Variants in SHISA9 observed in about 807,000 individuals in gnomAD.
The protein encoded by SHISA9 is shisa family member 9, also known as protein shisa-9.
SHISA9 carries 13 observed loss-of-function variants against 38.0 expected under a neutral mutation model. The ratio of observed to expected loss-of-function variants is 0.34; its 90% CI spans 0.22 to 0.54. SHISA9 has a LOEUF of 0.54. Among genes scored for constraint, SHISA9 ranks in the 20% least tolerant of loss-of-function variants. The pLI, the probability that SHISA9 is intolerant of heterozygous loss-of-function variation, is 0.91. For synonymous variants in SHISA9, 275 were observed against 242.0 expected (o/e 1.14, Z -1.27); for missense variants, 538 against 575.8 (o/e 0.93, Z 0.67).
At chr16:13,003,883 T>TAAG (rs201617457) in intron 2 of SHISA9, among the ~76,000 whole-genome samples, 5,897 of 147,048 alleles carry the variant, frequency 0.04, 156 homozygotes, top group Admixed American at 0.077. Flanking sequence ...ATAATAATAA[T>TAAG]AATAATAAGA....
chr16:13,444,211 A>G, the SHISA9 span, among the ~76,000 whole-genome samples: 1 of 152,134 alleles, frequency 6.6e-6, no homozygotes, highest in Non-Finnish European at 1.5e-5. Context: ...TCTTTACAAA[A>G]AATATGAAAA....
At chr16:13,447,021 A>T in the SHISA9 span, among the ~76,000 whole-genome samples, 132 of 151,034 alleles carry the variant, frequency 8.7e-4, no homozygotes, top group African/African-American at 3.0e-3. Flanking sequence ...GGGTAAAACT[A>T]TGTGTGGGGC....
the SHISA9 span, among the ~76,000 whole-genome samples, chr16:13,498,741 A>T: frequency 1.3e-5 from 2 of 152,178 alleles, no homozygotes; most frequent in Admixed American, 6.5e-5. Context: ...TGGGTGACAG[A>T]GTGAGACTCC....
rs1177855522 is a variant in SHISA9, at chr16:12,978,312, C to A, written c.691+61497C>A. On this transcript the variant is annotated intron_variant, in intron 2 of 4. Transcript: ENST00000558583. ...CTAGTCTCCCCTGGGAAAGAATTTT[C>A]ATAAGTGCAGCCCTGTTTCATCAAA... Among the ~76,000 whole-genome samples the A allele has an allele frequency of 2.0e-5, 3 of 152,160 alleles. No individual in the cohort carries two copies. In the East Asian group the frequency reaches 5.8e-4, roughly 29 times the overall value.
chr16:13,432,102 T>G, the SHISA9 span, among the ~76,000 whole-genome samples: 1 of 152,134 alleles, frequency 6.6e-6, no homozygotes, highest in Admixed American at 6.6e-5. Context: ...GAAAATAACC[T>G]CTCTTCATGT....
the SHISA9 span, among the ~76,000 whole-genome samples, chr16:13,289,893 A>G: frequency 6.6e-6 from 1 of 152,202 alleles, no homozygotes; most frequent in Non-Finnish European, 1.5e-5. Context: ...TTCTAATAAT[A>G]TTTGAATAAT....
chr16:13,357,884 G>T, the SHISA9 span, among the ~76,000 whole-genome samples: 10 of 152,262 alleles, frequency 6.6e-5, no homozygotes, highest in South Asian at 1.2e-3. Flanking sequence ...AATGTCATCA[G>T]TTAAGGCAAT....
intron 2 of SHISA9, among the ~76,000 whole-genome samples, chr16:13,121,372 G>A (rs1299936776): frequency 6.6e-6 from 1 of 151,916 alleles, no homozygotes; most frequent in Non-Finnish European, 1.5e-5. Context: ...TGTACCTGTG[G>A]TCCCAGCTAC....
chr16:13,121,343 G>A (rs2050209009), intron 2 of SHISA9, among the ~76,000 whole-genome samples: 1 of 152,016 alleles, frequency 6.6e-6, no homozygotes, highest in East Asian at 1.9e-4. Flanking sequence ...TTTAAAATTA[G>A]CCAGGTGTGG....
rs559044318 is a variant in SHISA9, at chr16:12,973,901, A to G, written c.691+57086A>G. On this transcript the variant is annotated intron_variant, in intron 2 of 4. Coordinates refer to ENST00000558583, the MANE Select transcript of SHISA9 (RefSeq NM_001145204.3). The stretch of plus-strand genomic sequence containing the variant: ...TGGATATTATCTGGAGGGGATTAGT[A>G]ACGTATTCTTCAAGCACCCTTCTGG... Among the ~76,000 whole-genome samples the G allele has an allele frequency of 3.1e-3, 465 of 152,284 alleles. 3 individuals are homozygous for G. Among genetic ancestry groups the G allele is most frequent in the African/African-American group, 0.01 (435 of 41,558 alleles).
chr16:13,273,974 T>C, the SHISA9 span, among the ~76,000 whole-genome samples: 2 of 152,160 alleles, frequency 1.3e-5, no homozygotes, highest in East Asian at 3.8e-4. Flanking sequence ...GAATCTGGGC[T>C]CTTCCAAAGT....
chr16:13,056,364 T>C (rs1387943731), intron 2 of SHISA9, among the ~76,000 whole-genome samples: 1 of 152,102 alleles, frequency 6.6e-6, no homozygotes, highest in African/African-American at 2.4e-5. Flanking sequence ...AATTATGCAA[T>C]AGAGGCCTGA....
chr16:13,408,252 G>T, the SHISA9 span, among the ~76,000 whole-genome samples: 153 of 151,924 alleles, frequency 1.0e-3, no homozygotes, highest in African/African-American at 3.5e-3. Context: ...TTAAGTAAAA[G>T]AACACAAAAT....
the SHISA9 span, among the ~76,000 whole-genome samples, chr16:13,477,129 G>A: frequency 6.6e-6 from 1 of 152,150 alleles, no homozygotes; most frequent in Non-Finnish European, 1.5e-5. Context: ...TACCTACAAG[G>A]TGTCAGGAAC....
At chr16:13,539,533 T>G in the SHISA9 span, among the ~76,000 whole-genome samples, 6 of 151,646 alleles carry the variant, frequency 4.0e-5, no homozygotes, top group Non-Finnish European at 1.5e-5. Context: ...CAGCAGAAAT[T>G]TAAGGGCTTT....
At chr16:12,970,367 A>ACATATATG (rs2072045434) in intron 2 of SHISA9, among the ~76,000 whole-genome samples, 2 of 94,302 alleles carry the variant, frequency 2.1e-5, no homozygotes, top group Non-Finnish European at 3.9e-5. Flanking sequence ...ATATATATAT[A>ACATATATG]TACATATATA....
chr16:13,375,502 G>A, the SHISA9 span, among the ~76,000 whole-genome samples: 6 of 152,086 alleles, frequency 3.9e-5, no homozygotes, highest in African/African-American at 1.2e-4. Flanking sequence ...TATTATTTCT[G>A]AGAGCTCTGT....
intron 2 of SHISA9, among the ~76,000 whole-genome samples, chr16:13,106,940 C>T (rs1456535089): frequency 1.3e-5 from 2 of 150,074 alleles, no homozygotes; most frequent in South Asian, 2.1e-4. Context: ...TTTCTAGTCA[C>T]ATCAATAAAC....
intron 4 of SHISA9, among the ~76,000 whole-genome samples, chr16:13,223,352 C>A (rs994287222): frequency 3.3e-5 from 5 of 152,128 alleles, no homozygotes; most frequent in East Asian, 3.8e-4. Flanking sequence ...ATCACTTGAA[C>A]CCAGGAGGGT....
Sources: allele counts gnomAD v4.1 joint callset (sites outside exome capture counted in the v4.1 genomes callset), GRCh38; gene constraint gnomAD v4.1.1; transcripts MANE v1.5; gene names NCBI Gene and HGNC (gene_info 2026-07-23, HGNC 2026-07-21).